PARD3: variants seen among roughly 807,000 people sequenced by gnomAD.
The protein encoded by PARD3 is partitioning defective 3 homolog.
Under a neutral mutation model 155.4 loss-of-function variants are expected in PARD3, and 75 were observed. The ratio of observed to expected loss-of-function variants is 0.48; its 90% confidence interval spans 0.40 to 0.58. The LOEUF (loss-of-function observed/expected upper bound fraction) is 0.58, where lower values mean the gene tolerates loss of function less well. Ranked by LOEUF, PARD3 falls within the 20% of genes least tolerant of loss-of-function variation. The pLI is 0.00. For missense variants in PARD3, 1,642 were observed against 1,721.7 expected, an observed-to-expected ratio of 0.95 and a Z score of 0.82; for synonymous variants, 576 against 610.5, an observed-to-expected ratio of 0.94 and a Z score of 0.83.
chr10:34,685,378 C>G (rs543202538), intron 2 of PARD3, among the ~76,000 whole-genome samples: 8 of 152,148 alleles, frequency 5.3e-5, no homozygotes, highest in Non-Finnish European at 8.8e-5. Context: ...TGGGCTACAT[C>G]CACTTCACCT....
chr10:34,366,846 A>G (rs1840013498), intron 12 of PARD3, among the ~76,000 whole-genome samples: 2 of 152,248 alleles, frequency 1.3e-5, no homozygotes, highest in South Asian at 2.1e-4. Flanking sequence ...TAAGTTCCCC[A>G]TTTTAATTTA....
At chr10:34,308,816 G>C (rs1957547875) in intron 20 of PARD3, among the ~76,000 whole-genome samples, 1 of 152,088 alleles carries the variant, frequency 6.6e-6, no homozygotes, top group South Asian at 2.1e-4. Flanking sequence ...TTACCAAAAA[G>C]AGAAAACAAA....
intron 3 of PARD3, among the ~76,000 whole-genome samples, chr10:34,482,436 G>C (rs947042366): frequency 1.3e-5 from 2 of 152,014 alleles, no homozygotes; most frequent in Non-Finnish European, 2.9e-5. Context: ...CTCCCAAAGC[G>C]CTGGGATTAC....
intron 22 of PARD3, among the ~76,000 whole-genome samples, chr10:34,242,358 C>A (rs1588905642): frequency 6.6e-6 from 1 of 152,106 alleles, no homozygotes; most frequent in African/African-American, 2.4e-5. Flanking sequence ...AGTGGCCCCT[C>A]TAGCCTGCAG....
intron 2 of PARD3, among the ~76,000 whole-genome samples, chr10:34,612,460 G>C (rs1029524811): frequency 6.6e-6 from 1 of 152,230 alleles, no homozygotes; most frequent in Middle Eastern, 3.4e-3. Flanking sequence ...AAAATAAAAA[G>C]TAGCTCTTTA....
At chr10:34,665,945 C>A (rs756070782) in intron 2 of PARD3, among the ~76,000 whole-genome samples, 1 of 148,204 alleles carries the variant, frequency 6.7e-6, no homozygotes, top group Non-Finnish European at 1.5e-5. Context: ...CTAGGCCAGG[C>A]GTTCACACCT....
At chr10:34,669,275 C>T (rs2093563355) in intron 2 of PARD3, among the ~76,000 whole-genome samples, 1 of 152,110 alleles carries the variant, frequency 6.6e-6, no homozygotes, top group African/African-American at 2.4e-5. Flanking sequence ...GAATACTATT[C>T]AGCCATAAAA....
chr10:34,521,881 G>A (rs1474981939), intron 2 of PARD3, among the ~76,000 whole-genome samples: 1 of 152,164 alleles, frequency 6.6e-6, no homozygotes, highest in Non-Finnish European at 1.5e-5. Context: ...ATCAGAAAAA[G>A]CTACATTCAA....
intron 3 of PARD3, among the ~76,000 whole-genome samples, chr10:34,492,331 T>C (rs945157599): frequency 2.0e-5 from 3 of 152,064 alleles, no homozygotes; most frequent in Non-Finnish European, 4.4e-5. Context: ...ATTCACAGGG[T>C]AAACCACACA....
At position 34,672,376 on chromosome 10, in the gene PARD3, C is replaced by G. The variant is rs1287562416; in HGVS notation, c.222+23942G>C. ...TGAGCACCCACTCATTCTAACCAAG[C>G]AGCTACAGGTTCCCAGGCAGCATGC... On this transcript the variant is annotated intron_variant, in intron 2 of 24. Coordinates refer to ENST00000374788, the MANE Select transcript of PARD3 (RefSeq NM_001184785.2). Among the ~76,000 whole-genome samples, 4 of 152,206 alleles carry G rather than the reference C, an allele frequency of 2.6e-5. No homozygotes were observed. In the South Asian group the frequency reaches 6.2e-4, roughly 24 times the overall value.
intron 3 of PARD3, among the ~76,000 whole-genome samples, chr10:34,472,302 T>C (rs2078403434): frequency 6.6e-6 from 1 of 152,228 alleles, no homozygotes; most frequent in South Asian, 2.1e-4. Context: ...TGCTTATTAA[T>C]TTACACCCCC....
intron 2 of PARD3, among the ~76,000 whole-genome samples, chr10:34,655,717 T>A (rs2093148733): frequency 6.6e-6 from 1 of 152,144 alleles, no homozygotes; most frequent in Non-Finnish European, 1.5e-5. Context: ...TACAAGCTGT[T>A]TAACCAAGAG....
At chr10:34,670,127 T>C (rs2093582315) in intron 2 of PARD3, among the ~76,000 whole-genome samples, 3 of 152,256 alleles carry the variant, frequency 2.0e-5, no homozygotes, top group Admixed American at 6.5e-5. Context: ...CGTGCTCTTA[T>C]CACGTATAAA....
intron 9 of PARD3, among the ~76,000 whole-genome samples, chr10:34,381,239 G>T (rs1269866001): frequency 1.3e-5 from 2 of 152,138 alleles, no homozygotes; most frequent in Non-Finnish European, 2.9e-5. Flanking sequence ...AAACATACTA[G>T]TAAGAATCTG....
At chr10:34,451,677 A>G (rs1173166744) in intron 4 of PARD3, among the ~76,000 whole-genome samples, 2 of 152,132 alleles carry the variant, frequency 1.3e-5, no homozygotes, top group African/African-American at 4.8e-5. Flanking sequence ...ATTTACCAAC[A>G]TAAACTTTGA....
chr10:34,302,976 T>C (rs560850628), intron 20 of PARD3, among the ~76,000 whole-genome samples: 12 of 152,112 alleles, frequency 7.9e-5, no homozygotes, highest in Admixed American at 5.9e-4. Flanking sequence ...AAGGATGTAG[T>C]AGGCACTCCA....
At chr10:34,302,990 A>G (rs1189206711) in intron 20 of PARD3, among the ~76,000 whole-genome samples, 1 of 152,064 alleles carries the variant, frequency 6.6e-6, no homozygotes, top group Non-Finnish European at 1.5e-5. Flanking sequence ...CACTCCAGTA[A>G]ATATTTGTTG....
At chr10:34,466,539 T>C (rs1163167070) in intron 4 of PARD3, among the ~76,000 whole-genome samples, 1 of 152,192 alleles carries the variant, frequency 6.6e-6, no homozygotes, top group African/African-American at 2.4e-5. Context: ...ACTATGTAGA[T>C]GAGTTATTTA....
intron 22 of PARD3, among the ~76,000 whole-genome samples, chr10:34,250,780 A>G (rs1353430186): frequency 6.6e-6 from 1 of 152,216 alleles, no homozygotes; most frequent in Non-Finnish European, 1.5e-5. Context: ...ATATAATGAT[A>G]CAAGGCATTT....
Sources: allele counts gnomAD v4.1 joint callset (sites outside exome capture counted in the v4.1 genomes callset), GRCh38; gene constraint gnomAD v4.1.1; transcripts MANE v1.5; gene names NCBI Gene and HGNC (gene_info 2026-07-23, HGNC 2026-07-21).